The following RUNX2 variants were observed in gnomAD, a reference collection of about 807,000 sequenced individuals.
RUNX2 encodes the protein RUNX family transcription factor 2, also known as runt-related transcription factor 2.
RUNX2 carries 10 observed loss-of-function variants against 51.7 expected under a neutral mutation model. The observed-to-expected ratio is 0.19, with a 90% confidence interval of 0.12 to 0.33. RUNX2 has a LOEUF of 0.33. Ranked by LOEUF, RUNX2 falls within the 10% of genes least tolerant of loss-of-function variation. The pLI is 1.00. For missense variants in RUNX2, 562 were observed against 691.3 expected (o/e 0.81, Z 2.10); for synonymous variants, 276 against 273.6 (o/e 1.01, Z -0.09).
At chr6:45,405,946 A>T (rs570386846) in intron 2 of RUNX2, among the ~76,000 whole-genome samples, 1 of 152,206 alleles carries the variant, frequency 6.6e-6, no homozygotes, top group Admixed American at 6.5e-5. Flanking sequence ...ATCTGAAAAT[A>T]GGGATATTAT....
At chr6:45,522,964 A>G (rs1182943449) in intron 7 of RUNX2, among the ~76,000 whole-genome samples, 1 of 152,224 alleles carries the variant, frequency 6.6e-6, no homozygotes, top group African/African-American at 2.4e-5. Flanking sequence ...GGAATATGCC[A>G]GCAACTCTGA....
chr6:45,458,021 G>GTTTTTT, intron 5 of RUNX2, among the ~76,000 whole-genome samples: 1 of 105,584 alleles, frequency 9.5e-6, no homozygotes, highest in Admixed American at 9.1e-5. Flanking sequence ...TCTGGGATAG[G>GTTTTTT]ATTTTTTTTT....
chr6:45,358,457 A>G (rs372936307), intron 2 of RUNX2, among the ~76,000 whole-genome samples: 2 of 152,200 alleles, frequency 1.3e-5, no homozygotes, highest in African/African-American at 4.8e-5. Flanking sequence ...TTTCTTCTCT[A>G]TAATTATGAA....
In RUNX2 at chr6:45,439,615, A is replaced by G. The variant is rs59964358; in HGVS notation, c.685+1564A>G. ...TATCTCTTAAAGATATTTCCTGCTG[A>G]TCTCAGCTGCTTTTCTCAGTTCTTG... is the stretch of plus-strand genomic sequence containing the variant. On this transcript the variant is annotated intron_variant, in intron 5 of 8. Transcript: ENST00000647337. Among the ~76,000 whole-genome samples, 416 of 152,184 alleles carry G rather than the reference A, an allele frequency of 2.7e-3. 4 individuals carry two copies. The highest frequency in any genetic ancestry group is 9.6e-3 in the African/African-American group (399 of 41,514).
chr6:45,523,959 A>G (rs1215433385), intron 7 of RUNX2, among the ~76,000 whole-genome samples: 2 of 152,152 alleles, frequency 1.3e-5, no homozygotes, highest in African/African-American at 4.8e-5. Flanking sequence ...AAAACAAAAA[A>G]AAAGAGATAA....
At chr6:45,417,196 T>G (rs1166696505) in intron 2 of RUNX2, among the ~76,000 whole-genome samples, 2 of 152,220 alleles carry the variant, frequency 1.3e-5, no homozygotes, top group African/African-American at 4.8e-5. Flanking sequence ...CTCATTGAGT[T>G]TCTTGTGTAA....
At chr6:45,380,375 G>A (rs1316387560) in intron 2 of RUNX2, among the ~76,000 whole-genome samples, 3 of 152,156 alleles carry the variant, frequency 2.0e-5, no homozygotes, top group Admixed American at 1.3e-4. Context: ...GAAAAATGAA[G>A]CATTGTTAGC....
chr6:45,498,992 A>G (rs956413657), intron 6 of RUNX2, among the ~76,000 whole-genome samples: 7 of 152,312 alleles, frequency 4.6e-5, no homozygotes, highest in Admixed American at 2.0e-4. Context: ...GGATGGACCC[A>G]TAAGAGGCTC....
chr6:45,333,967 A>C (rs1172266013), intron 2 of RUNX2, among the ~76,000 whole-genome samples: 1 of 151,256 alleles, frequency 6.6e-6, no homozygotes, highest in Non-Finnish European at 1.5e-5. Flanking sequence ...ATACATACGC[A>C]ATTTCGATAA....
intron 5 of RUNX2, among the ~76,000 whole-genome samples, chr6:45,463,515 GT>G (rs1799534334): frequency 6.6e-6 from 1 of 152,106 alleles, no homozygotes; most frequent in African/African-American, 2.4e-5. Context: ...GTGTATGCTG[GT>G]TTTTTTCCTT....
At chr6:45,497,035 T>C (rs1221030522) in intron 6 of RUNX2, among the ~76,000 whole-genome samples, 3 of 151,656 alleles carry the variant, frequency 2.0e-5, no homozygotes, top group Non-Finnish European at 4.4e-5. Context: ...TAAGGTGGAG[T>C]GGGGCTGGGG....
chr6:45,537,842 A>G (rs1563129663), intron 7 of RUNX2, among the ~76,000 whole-genome samples: 2 of 152,198 alleles, frequency 1.3e-5, no homozygotes, highest in South Asian at 2.1e-4. Flanking sequence ...CAAAGGGCAG[A>G]GGAAACTCAA....
intron 5 of RUNX2, among the ~76,000 whole-genome samples, chr6:45,445,240 G>T (rs1045453558): frequency 2.0e-5 from 3 of 152,002 alleles, no homozygotes; most frequent in Non-Finnish European, 4.4e-5. Context: ...TGGCCAGGCT[G>T]GTCTCAAACT....
chr6:45,414,351 C>G (rs1224860723), intron 2 of RUNX2, among the ~76,000 whole-genome samples: 1 of 152,142 alleles, frequency 6.6e-6, no homozygotes, highest in Non-Finnish European at 1.5e-5. Flanking sequence ...CCCTTCTAGA[C>G]AGAACGGTCC....
intron 2 of RUNX2, among the ~76,000 whole-genome samples, chr6:45,368,107 G>C (rs1795455882): frequency 1.3e-5 from 2 of 152,114 alleles, no homozygotes; most frequent in African/African-American, 4.8e-5. Context: ...CTGTGGAACT[G>C]AAAACCTACT....
At chr6:45,505,322 A>G (rs1044311751) in intron 6 of RUNX2, among the ~76,000 whole-genome samples, 1 of 148,474 alleles carries the variant, frequency 6.7e-6, no homozygotes, top group Non-Finnish European at 1.5e-5. Flanking sequence ...AGAGAATTGG[A>G]TATGTTTTCC....
chr6:45,537,202 G>A (rs748179944), intron 7 of RUNX2, among the ~76,000 whole-genome samples: 1 of 152,158 alleles, frequency 6.6e-6, no homozygotes, highest in Non-Finnish European at 1.5e-5. Context: ...TCTGGGGCTG[G>A]GTCAAGCATG....
chr6:45,478,100 CT>C (rs1212153027), intron 5 of RUNX2, among the ~76,000 whole-genome samples: 1 of 152,202 alleles, frequency 6.6e-6, no homozygotes, highest in Non-Finnish European at 1.5e-5. Context: ...TACTCAAACG[CT>C]GTCTCCTCTG....
At chr6:45,341,281 G>C (rs149333152) in intron 2 of RUNX2, among the ~76,000 whole-genome samples, 2 of 152,276 alleles carry the variant, frequency 1.3e-5, no homozygotes, top group African/African-American at 4.8e-5. Context: ...AAAAAATGCT[G>C]ATTAGAAACC....
Sources: allele counts gnomAD v4.1 joint callset (sites outside exome capture counted in the v4.1 genomes callset), GRCh38; gene constraint gnomAD v4.1.1; transcripts MANE v1.5; gene names NCBI Gene and HGNC (gene_info 2026-07-23, HGNC 2026-07-21).